ARL8B: variants seen among roughly 807,000 people sequenced by gnomAD.
The protein encoded by ARL8B is ARF like GTPase 8B.
ARL8B carries 9 observed loss-of-function variants against 30.6 expected under a neutral mutation model. The ratio of observed to expected loss-of-function variants is 0.29; its 90% CI spans 0.18 to 0.51. The LOEUF is 0.51. Ranked by LOEUF, ARL8B falls within the 20% of genes least tolerant of loss-of-function variation. The pLI, the probability that ARL8B is intolerant of heterozygous loss-of-function variation, is 0.97. For synonymous variants in ARL8B, 74 were observed against 76.0 expected, an observed-to-expected ratio of 0.97 and a Z score of 0.14; for missense variants, 130 against 227.2, an observed-to-expected ratio of 0.57 and a Z score of 2.75.
intron 1 of ARL8B, among the ~76,000 whole-genome samples, chr3:5,155,187 T>G (rs773556266): frequency 1.3e-5 from 2 of 152,240 alleles, no homozygotes; most frequent in Non-Finnish European, 2.9e-5. Context: ...AATAGGATTC[T>G]CGGTTAACAG....
intron 1 of ARL8B, among the ~76,000 whole-genome samples, chr3:5,142,826 T>G (rs1037250176): frequency 7.9e-5 from 12 of 152,314 alleles, no homozygotes; most frequent in Non-Finnish European, 1.5e-4. Flanking sequence ...CCTGAGACAC[T>G]ACTTTTGGTT....
intron 1 of ARL8B, among the ~76,000 whole-genome samples, chr3:5,164,480 A>T (rs912051587): frequency 1.3e-5 from 2 of 152,174 alleles, no homozygotes; most frequent in Non-Finnish European, 1.5e-5. Context: ...TGCAAACAGC[A>T]CTCATACCCC....
chr3:5,152,473 T>A (rs2054493246), intron 1 of ARL8B, among the ~76,000 whole-genome samples: 1 of 152,204 alleles, frequency 6.6e-6, no homozygotes, highest in African/African-American at 2.4e-5. Context: ...CTCCCTAAAT[T>A]ATATTAAAGT....
chr3:5,142,448 G>C (rs2054382647), intron 1 of ARL8B, among the ~76,000 whole-genome samples: 1 of 152,142 alleles, frequency 6.6e-6, no homozygotes. Context: ...TCCTGGTATA[G>C]AGCCAACATG....
chr3:5,161,741 G>A (rs1421373718), intron 1 of ARL8B, among the ~76,000 whole-genome samples: 1 of 152,122 alleles, frequency 6.6e-6, no homozygotes, highest in African/African-American at 2.4e-5. Flanking sequence ...TAGCACAGTG[G>A]GTAGGCACTC....
At chr3:5,137,219 C>T (rs2054334845) in intron 1 of ARL8B, among the ~76,000 whole-genome samples, 1 of 151,956 alleles carries the variant, frequency 6.6e-6, no homozygotes, top group African/African-American at 2.4e-5. Flanking sequence ...ACAGTTGGCA[C>T]AGTGACTGGC....
intron 1 of ARL8B, among the ~76,000 whole-genome samples, chr3:5,123,600 G>GA (rs1310672283): frequency 6.6e-6 from 1 of 152,188 alleles, no homozygotes; most frequent in Non-Finnish European, 1.5e-5. Flanking sequence ...GTTCTGAAGA[G>GA]AGATGGCAGC....
intron 1 of ARL8B, among the ~76,000 whole-genome samples, chr3:5,124,076 C>G (rs1194840879): frequency 6.6e-6 from 1 of 152,002 alleles, no homozygotes; most frequent in Non-Finnish European, 1.5e-5. Context: ...CTTTGTTGCT[C>G]AGGCTAGTCT....
Position 5,123,574 on chromosome 3 carries a change from G to C in ARL8B, c.123+986G>C, listed in dbSNP as rs552592309. On this transcript the variant is annotated intron_variant, in intron 1 of 6. Transcript: ENST00000256496. ...AGCTGGTAGTGGCTTGTACACGCCA[G>C]GGGAGTTTTAGAACTGTTCTGAAGA... 1.1e-4 allele frequency among the ~76,000 whole-genome samples: 16 copies of C among 152,314 alleles called. No homozygotes were observed. In the South Asian group the frequency reaches 2.7e-3, roughly 26 times the overall value.
chr3:5,148,676 T>C (rs1309587738), intron 1 of ARL8B, among the ~76,000 whole-genome samples: 2 of 152,176 alleles, frequency 1.3e-5, no homozygotes. Context: ...TGGAGTTTTA[T>C]CATTTACATA....
At chr3:5,144,522 G>A (rs1033144712) in intron 1 of ARL8B, among the ~76,000 whole-genome samples, 5 of 152,162 alleles carry the variant, frequency 3.3e-5, no homozygotes, top group African/African-American at 4.8e-5. Flanking sequence ...TAATACAGAC[G>A]TTAGTTCTCT....
chr3:5,123,491 G>A (rs1037580990), intron 1 of ARL8B, among the ~76,000 whole-genome samples: 1 of 152,172 alleles, frequency 6.6e-6, no homozygotes, highest in African/African-American at 2.4e-5. Context: ...ATAAATAGGA[G>A]TGAAAGATTT....
intron 5 of ARL8B, 33 bp downstream of exon 5, chr3:5,174,117 C>T: frequency 6.5e-7 from 1 of 1,545,440 alleles, no homozygotes. Flanking sequence ...TAATAATTTG[C>T]TTCTAAATTA....
At chr3:5,169,804 G>T (rs1478074745) in intron 1 of ARL8B, among the ~76,000 whole-genome samples, 1 of 152,128 alleles carries the variant, frequency 6.6e-6, no homozygotes, top group Non-Finnish European at 1.5e-5. Flanking sequence ...AGTGAAAGTA[G>T]TGACTATGGC....
At chr3:5,125,121 T>A (rs2054219120) in intron 1 of ARL8B, among the ~76,000 whole-genome samples, 2 of 152,180 alleles carry the variant, frequency 1.3e-5, no homozygotes, top group Non-Finnish European at 2.9e-5. Flanking sequence ...CAGCCTTACA[T>A]CCTCTTTGAG....
chr3:5,164,830 C>A (rs754750543), intron 1 of ARL8B, among the ~76,000 whole-genome samples: 28 of 151,998 alleles, frequency 1.8e-4, no homozygotes, highest in Admixed American at 6.5e-4. Context: ...TTTTAATTGT[C>A]ATGTCTCTTT....
In ARL8B at chr3:5,165,211, A is replaced by T. The variant is rs1575572350; in HGVS notation, c.124-5292A>T. On this transcript the variant is annotated intron_variant, in intron 1 of 6. Transcript: ENST00000256496. Reference sequence around the variant, plus strand: ...TTGCTCTTCATCAAAATTTCCCCCTAGACGAGTATCTTATTACCTTCCTTT... The same window carrying T: ...TTGCTCTTCATCAAAATTTCCCCCTTGACGAGTATCTTATTACCTTCCTTT... Among the ~76,000 whole-genome samples the T allele has an allele frequency of 2.6e-5, 4 of 152,302 alleles. No individual in the cohort carries two copies. The South Asian group carries it at 8.3e-4, about 32-fold the overall frequency.
intron 1 of ARL8B, among the ~76,000 whole-genome samples, chr3:5,136,653 T>C (rs759765717): frequency 6.6e-6 from 1 of 152,152 alleles, no homozygotes; most frequent in African/African-American, 2.4e-5. Flanking sequence ...TCTGGCAGGA[T>C]TTGGAAAGGG....
chr3:5,152,029 C>T (rs1283557667), intron 1 of ARL8B, among the ~76,000 whole-genome samples: 1 of 152,142 alleles, frequency 6.6e-6, no homozygotes, highest in East Asian at 1.9e-4. Flanking sequence ...ATTTGTGGCT[C>T]AGAATATGGT....
Sources: gnomAD v4.1 joint callset for allele counts (sites outside exome capture counted in the v4.1 genomes callset) on GRCh38, gnomAD v4.1.1 for gene constraint, MANE v1.5 for transcripts, NCBI Gene and HGNC (gene_info 2026-07-23, HGNC 2026-07-21) for gene names.